ATRNL1: variants seen among roughly 807,000 people sequenced by gnomAD.
ATRNL1 encodes attractin-like protein 1.
ATRNL1 carries 95 observed loss-of-function variants against 182.7 expected under a neutral mutation model. The ratio of observed to expected loss-of-function variants is 0.52; its 90% confidence interval spans 0.44 to 0.62. The LOEUF is 0.62. Ranked by LOEUF, ATRNL1 falls within the 20% of genes least tolerant of loss-of-function variation. The pLI, the probability that ATRNL1 is intolerant of heterozygous loss-of-function variation, is 0.00. For synonymous variants in ATRNL1, 576 were observed against 568.3 expected, an observed-to-expected ratio of 1.01 and a Z score of -0.19; for missense variants, 1,471 against 1,679.5, an observed-to-expected ratio of 0.88 and a Z score of 2.17.
intron 8 of ATRNL1, among the ~76,000 whole-genome samples, chr10:115,213,165 G>A (rs887496153): frequency 2.0e-5 from 3 of 152,034 alleles, no homozygotes; most frequent in African/African-American, 7.2e-5. Flanking sequence ...GTATGACAGG[G>A]AGTTTTTGAT....
At chr10:115,606,833 T>A (rs2133955345) in intron 26 of ATRNL1, among the ~76,000 whole-genome samples, 1 of 152,150 alleles carries the variant, frequency 6.6e-6, no homozygotes, top group Non-Finnish European at 1.5e-5. Context: ...ATTTTATATT[T>A]TCTAGCCATG....
At chr10:115,463,114 A>T (rs1351319647) in intron 22 of ATRNL1, among the ~76,000 whole-genome samples, 1 of 151,812 alleles carries the variant, frequency 6.6e-6, no homozygotes, top group Admixed American at 6.6e-5. Flanking sequence ...AAGTAGGTGA[A>T]ATGTCTAAAT....
At chr10:115,721,769 C>T (rs1226928352) in intron 26 of ATRNL1, among the ~76,000 whole-genome samples, 1 of 152,172 alleles carries the variant, frequency 6.6e-6, no homozygotes, top group Non-Finnish European at 1.5e-5. Flanking sequence ...ATGCTATTAA[C>T]ATTTTAGAGG....
intron 9 of ATRNL1, among the ~76,000 whole-genome samples, chr10:115,229,298 T>A (rs1448556353): frequency 7.1e-6 from 1 of 141,234 alleles, no homozygotes; most frequent in African/African-American, 3.1e-5. Context: ...TATGAAATTA[T>A]TTTTTTTTGT....
chr10:115,756,786 T>G (rs12098691), intron 27 of ATRNL1, among the ~76,000 whole-genome samples: 4,534 of 152,242 alleles, frequency 0.03, 250 homozygotes, highest in African/African-American at 0.1. Flanking sequence ...ACTATTATTG[T>G]GTGGGAGTCT....
chr10:115,578,503 A>G (rs1555006143), intron 26 of ATRNL1, among the ~76,000 whole-genome samples: 1 of 151,338 alleles, frequency 6.6e-6, no homozygotes, highest in Non-Finnish European at 1.5e-5. Context: ...CCAGGAATTT[A>G]TTTCCTCTAG....
intron 21 of ATRNL1, among the ~76,000 whole-genome samples, chr10:115,445,168 C>T (rs1235498889): frequency 1.3e-5 from 2 of 151,068 alleles, no homozygotes; most frequent in African/African-American, 4.9e-5. Context: ...ATGGCTTATG[C>T]CTGTAATCCT....
At chr10:115,548,289 C>T (rs920424096) in intron 25 of ATRNL1, among the ~76,000 whole-genome samples, 34 of 152,232 alleles carry the variant, frequency 2.2e-4, no homozygotes, top group African/African-American at 8.2e-4. Context: ...TTAAAATTGA[C>T]ATTGTTGTTA....
intron 13 of ATRNL1, among the ~76,000 whole-genome samples, chr10:115,270,099 T>C (rs1592355958): frequency 6.6e-6 from 1 of 151,374 alleles, no homozygotes; most frequent in South Asian, 2.1e-4. Context: ...TCCACTGATA[T>C]TCATCTAATG....
intron 19 of ATRNL1, among the ~76,000 whole-genome samples, chr10:115,389,016 A>G (rs768621309): frequency 3.3e-5 from 5 of 152,106 alleles, no homozygotes; most frequent in African/African-American, 4.8e-5. Context: ...ATTCCTCCTA[A>G]CCGAAATTTT....
At chr10:115,723,878 A>G (rs1245002691) in intron 26 of ATRNL1, among the ~76,000 whole-genome samples, 3 of 152,048 alleles carry the variant, frequency 2.0e-5, no homozygotes, top group African/African-American at 7.2e-5. Context: ...TTTTAATTCC[A>G]TGGTTTGTTT....
intron 28 of ATRNL1, among the ~76,000 whole-genome samples, chr10:115,928,186 G>A (rs1018344900): frequency 6.6e-6 from 1 of 151,930 alleles, no homozygotes; most frequent in Admixed American, 6.6e-5. Flanking sequence ...ATCTATCTTT[G>A]TGAGAAAGAG....
At chr10:115,488,740 T>A (rs933460418) in intron 24 of ATRNL1, among the ~76,000 whole-genome samples, 1 of 152,146 alleles carries the variant, frequency 6.6e-6, no homozygotes, top group Admixed American at 6.5e-5. Context: ...TCTGCCCTGA[T>A]CTTAGTTATT....
chr10:115,619,997 TA>T (rs1857638234), intron 26 of ATRNL1, among the ~76,000 whole-genome samples: 1 of 152,180 alleles, frequency 6.6e-6, no homozygotes, highest in Non-Finnish European at 1.5e-5. Flanking sequence ...AATATTTAAT[TA>T]GTCGTTTTGT....
chr10:115,813,428 T>G (rs1166850742), intron 27 of ATRNL1, among the ~76,000 whole-genome samples: 1 of 152,192 alleles, frequency 6.6e-6, no homozygotes, highest in Non-Finnish European at 1.5e-5. Flanking sequence ...AGCATGTCCA[T>G]AAGTTTAGAA....
intron 24 of ATRNL1, 56 bp downstream of exon 24, chr10:115,469,385 G>A: frequency 3.4e-6 from 4 of 1,177,080 alleles, no homozygotes; most frequent in Admixed American, 5.9e-5. Flanking sequence ...GAAAAGAATG[G>A]TGCTTTTGTC....
chr10:115,348,958 G>T (rs1856103319), intron 19 of ATRNL1, among the ~76,000 whole-genome samples: 1 of 152,124 alleles, frequency 6.6e-6, no homozygotes, highest in African/African-American at 2.4e-5. Flanking sequence ...TCTTTGTGTT[G>T]TGAATGCTCC....
intron 27 of ATRNL1, among the ~76,000 whole-genome samples, chr10:115,738,154 T>TTTGTTTTTTTTTTTTTTTC (rs1948028583): frequency 1.6e-5 from 1 of 63,870 alleles, no homozygotes; most frequent in Non-Finnish European, 3.3e-5. Context: ...TTTTTTTTTT[T>TTTGTTTTTTTTTTTTTTTC]TTGAGATGGA....
intron 5 of ATRNL1, among the ~76,000 whole-genome samples, chr10:115,130,937 C>T (rs1418345083): frequency 1.3e-5 from 2 of 152,086 alleles, no homozygotes; most frequent in Non-Finnish European, 2.9e-5. Context: ...AACAACTCTG[C>T]CCCTTTTCTG....
Sources: gnomAD v4.1 joint callset for allele counts (sites outside exome capture counted in the v4.1 genomes callset) on GRCh38, gnomAD v4.1.1 for gene constraint, MANE v1.5 for transcripts, NCBI Gene and HGNC (gene_info 2026-07-23, HGNC 2026-07-21) for gene names.